Variants in SLC9C1 observed in about 807,000 individuals in gnomAD.
SLC9C1 encodes solute carrier family 9 member C1.
Under a neutral mutation model 140.9 loss-of-function variants are expected in SLC9C1, and 97 were observed. That is an observed-to-expected ratio of 0.69 (90% CI 0.58 to 0.82). The LOEUF (loss-of-function observed/expected upper bound fraction) is 0.82, where lower values mean the gene tolerates loss of function less well. Among genes scored for constraint, SLC9C1 ranks in the 40% least tolerant of loss-of-function variants. The pLI, the probability that SLC9C1 is intolerant of heterozygous loss-of-function variation, is 0.00. For synonymous variants in SLC9C1, 440 were observed against 442.6 expected, an observed-to-expected ratio of 0.99 and a Z score of 0.07; for missense variants, 1,340 against 1,389.3, an observed-to-expected ratio of 0.96 and a Z score of 0.56.
chr3:112,290,041 C>T (rs2080632462), intron 1 of SLC9C1, among the ~76,000 whole-genome samples: 1 of 152,248 alleles, frequency 6.6e-6, no homozygotes, highest in Non-Finnish European at 1.5e-5. Context: ...AACACTGCTC[C>T]AGGGGAAGCC....
intron 8 of SLC9C1, 136 bp downstream of exon 8, chr3:112,266,102 T>C: frequency 1.6e-6 from 1 of 638,648 alleles, no homozygotes; most frequent in Non-Finnish European, 2.6e-6. Flanking sequence ...AAATAAAATC[T>C]AGGAAAGGTT....
rs537771541 is a variant in SLC9C1 at position 112,239,698 on chromosome 3, T to C, written c.1446+142A>G. 24 of 829,002 alleles carry C rather than the reference T, an allele frequency of 2.9e-5. No individual in the cohort carries two copies. In the South Asian group the frequency reaches 4.4e-4, roughly 15 times the overall value. The allele number at this position is 829,002 out of a possible 1,614,324, so 51.4% of individuals were successfully genotyped here. A position where few individuals can be genotyped will look rare whatever the true frequency, so the allele number is the denominator to read the frequency against. ...GAAGTTCCTTAACACTCCCCCTTACTACTTTGTTAAATAGAGTTATTAACA... is the reference window on the plus strand; with the variant it reads ...GAAGTTCCTTAACACTCCCCCTTACCACTTTGTTAAATAGAGTTATTAACA... On this transcript the variant is annotated intron_variant, in intron 12 of 28. Transcript: ENST00000305815.
chr3:112,249,833 C>A (rs1256499180), intron 10 of SLC9C1, among the ~76,000 whole-genome samples: 1 of 151,830 alleles, frequency 6.6e-6, no homozygotes, highest in African/African-American at 2.4e-5. Context: ...CTCTTTTATT[C>A]TTTATTAGTC....
intron 20 of SLC9C1, among the ~76,000 whole-genome samples, chr3:112,189,498 A>G (rs1036529513): frequency 3.5e-4 from 53 of 152,312 alleles, no homozygotes; most frequent in African/African-American, 1.2e-3. Context: ...TCCTTTCCCC[A>G]TTGCTTGTTT....
chr3:112,206,394 G>T (rs563117186), intron 16 of SLC9C1, among the ~76,000 whole-genome samples: 1 of 152,262 alleles, frequency 6.6e-6, no homozygotes, highest in South Asian at 2.1e-4. Flanking sequence ...TACACTGTTG[G>T]TGGGAGTAGA....
intron 2 of SLC9C1, among the ~76,000 whole-genome samples, chr3:112,283,752 T>C (rs946326013): frequency 6.8e-6 from 1 of 146,262 alleles, no homozygotes; most frequent in African/African-American, 2.5e-5. Context: ...ATAAAACCAG[T>C]CCAACAATGT....
At chr3:112,247,513 TA>T (rs1310970094) in intron 10 of SLC9C1, among the ~76,000 whole-genome samples, 1 of 152,200 alleles carries the variant, frequency 6.6e-6, no homozygotes, top group African/African-American at 2.4e-5. Flanking sequence ...GATGGTGATA[TA>T]AAGACAACCC....
At chr3:112,233,097 A>ATCTCTTTGC (rs898756243) in intron 12 of SLC9C1, among the ~76,000 whole-genome samples, 2 of 146,034 alleles carry the variant, frequency 1.4e-5, no homozygotes, top group Non-Finnish European at 3.0e-5. Flanking sequence ...AAGAAAGGGT[A>ATCTCTTTGC]TCTCTTTGCT....
chr3:112,154,566 T>G (rs915375975), intron 27 of SLC9C1, among the ~76,000 whole-genome samples: 2 of 152,238 alleles, frequency 1.3e-5, no homozygotes, highest in African/African-American at 4.8e-5. Context: ...ATTGAGCTCC[T>G]TCTTTCTGTC....
chr3:112,270,254 C>A (rs1352789705), intron 6 of SLC9C1, among the ~76,000 whole-genome samples, 177 bp from the exon 7 acceptor site: 1 of 152,122 alleles, frequency 6.6e-6, no homozygotes. Context: ...TGGATATATA[C>A]CCAGAAGTAG....
chr3:112,210,497 C>T (rs751846701), intron 15 of SLC9C1, among the ~76,000 whole-genome samples: 1 of 152,154 alleles, frequency 6.6e-6, no homozygotes, highest in Non-Finnish European at 1.5e-5. Context: ...AGTAAATTCA[C>T]AGGGACAGAA....
intron 28 of SLC9C1, chr3:112,151,603 T>G: frequency 3.7e-5 from 19 of 519,322 alleles, no homozygotes; most frequent in East Asian, 9.0e-5. Context: ...GTGTTGCATG[T>G]GAGATTAAGT....
chr3:112,247,231 A>G (rs2108243046), intron 10 of SLC9C1, among the ~76,000 whole-genome samples: 1 of 152,264 alleles, frequency 6.6e-6, no homozygotes, highest in East Asian at 1.9e-4. Context: ...CATTTGCAAA[A>G]GTGTCCTCAA....
At chr3:112,157,148 T>G (rs2075148348) in intron 26 of SLC9C1, among the ~76,000 whole-genome samples, 1 of 152,190 alleles carries the variant, frequency 6.6e-6, no homozygotes, top group East Asian at 1.9e-4. Context: ...TTTACAGTTT[T>G]AGGTCTTAAA....
In SLC9C1 at chr3:112,204,313, T is replaced by C. The variant is rs199814831; in HGVS notation, c.2077A>G (p.Ile693Val). ...ATATACTTAATGGTGTCTATTTCAA[T>C]AAGTATTACATGTAAGATGCCAATT... ...TLIGILHVIL[I>V]EIDTIKYIFN... Residue 693 changes from isoleucine to valine, a missense_variant, in exon 17 of 29, where the codon ATT becomes GTT. Ile to Val is a conservative substitution (Grantham distance 29, BLOSUM62 3). Transcript: ENST00000305815. 58 of 1,568,632 alleles carry C rather than the reference T, an allele frequency of 3.7e-5. No homozygotes were observed. The Admixed American group carries it at 4.4e-4, about 12-fold the overall frequency.
intron 7 of SLC9C1, 77 bp downstream of exon 7, chr3:112,269,839 C>G (rs1325384829): frequency 7.9e-7 from 1 of 1,267,188 alleles, no homozygotes; most frequent in African/African-American, 1.5e-5. Context: ...TAACTTTTGC[C>G]TGGTATGCAT....
chr3:112,164,092 A>G (rs1212177631), intron 26 of SLC9C1, among the ~76,000 whole-genome samples: 1 of 151,906 alleles, frequency 6.6e-6, no homozygotes, highest in Non-Finnish European at 1.5e-5. Flanking sequence ...CTAGGATTGC[A>G]ACCCCTGCCT....
At chr3:112,141,361 T>C in intron 28 of SLC9C1, 80 bp from the exon 29 acceptor site, 1 of 1,452,056 alleles carries the variant, frequency 6.9e-7, no homozygotes. Flanking sequence ...CAGAATAGGA[T>C]GTACTAGAGG....
intron 23 of SLC9C1, among the ~76,000 whole-genome samples, chr3:112,175,261 T>C (rs1008901158): frequency 6.6e-6 from 1 of 152,154 alleles, no homozygotes; most frequent in African/African-American, 2.4e-5. Context: ...TTCTAGTGCC[T>C]GAAGGTAACA....
Sources: allele counts gnomAD v4.1 joint callset (sites outside exome capture counted in the v4.1 genomes callset), GRCh38; gene constraint gnomAD v4.1.1; transcripts MANE v1.5; gene names NCBI Gene and HGNC (gene_info 2026-07-23, HGNC 2026-07-21).